Variants in CCND2 observed in about 807,000 individuals in gnomAD.
CCND2 encodes the protein G1/S-specific cyclin-D2.
Under a neutral mutation model 30.2 loss-of-function variants are expected in CCND2, and 6 were observed. That is an observed-to-expected ratio of 0.20 (90% CI 0.11 to 0.39). The LOEUF (loss-of-function observed/expected upper bound fraction) is 0.39, where lower values mean the gene tolerates loss of function less well. CCND2 is among the 10% of genes least tolerant of loss of function. The pLI, the probability that CCND2 is intolerant of heterozygous loss-of-function variation, is 1.00. For synonymous variants in CCND2, 150 were observed against 153.1 expected, an observed-to-expected ratio of 0.98 and a Z score of 0.15; for missense variants, 235 against 373.4, an observed-to-expected ratio of 0.63 and a Z score of 3.06.
At position 4,303,979 on chromosome 12, in the gene CCND2, G is replaced by A; in HGVS notation, c.*3970G>A. The A allele has an allele frequency of 4.3e-6, 1 of 233,346 alleles. No homozygotes were observed. The highest frequency in any genetic ancestry group is 8.5e-6 in the Non-Finnish European group (1 of 118,102). 14.5% of individuals were successfully genotyped at this position (233,346 alleles called of 1,614,324 possible). A position where few individuals can be genotyped will look rare whatever the true frequency, so the allele number is the denominator to read the frequency against. On this transcript the variant is annotated 3_prime_UTR_variant, in exon 5 of 5. Coordinates refer to ENST00000261254, the MANE Select transcript of CCND2 (RefSeq NM_001759.4). The surrounding 1 kb of genome is among the most constrained non-coding windows in gnomAD (Gnocchi z 4.6). ...CTGCATCCCATTGCTAGCAGGATTG[G>A]CAACTCTTCAGACGGAGCTGCGCTT...
chr12:4,299,848 C>A lies in CCND2; in HGVS notation c.721-12C>A. 2 of 1,612,776 alleles carry A rather than the reference C, an allele frequency of 1.2e-6. No homozygotes were observed. Among genetic ancestry groups the A allele is most frequent in the Non-Finnish European group, 1.7e-6 (2 of 1,179,110 alleles). On this transcript the variant is annotated splice_polypyrimidine_tract_variant and intron_variant, in intron 4 of 4. Coordinates refer to ENST00000261254, the MANE Select transcript of CCND2 (RefSeq NM_001759.4). The surrounding 1 kb of genome is among the most constrained non-coding windows in gnomAD (Gnocchi z 5.2). ...CTCTTACTAACAACTCTGGTCTGGA[C>A]CATTGTTCTAGGATTGTCTCAAAGC...
In CCND2 at chr12:4,300,102, C is replaced by G; in HGVS notation, c.*93C>G. 7.6e-7 allele frequency: 1 copy of G among 1,310,388 alleles called. No individual in the cohort carries two copies. The allele number at this position is 1,310,388 out of a possible 1,614,324, so 81.2% of individuals were successfully genotyped here. A position where few individuals can be genotyped will look rare whatever the true frequency, so the allele number is the denominator to read the frequency against. On this transcript the variant is annotated 3_prime_UTR_variant, in exon 5 of 5. Transcript: ENST00000261254. ...TTGTTCTTTGTGTTTTAGGGTGAAACTTAAAAAAAAAATTCTGCCCCCACC... is the reference window on the plus strand; with the variant it reads ...TTGTTCTTTGTGTTTTAGGGTGAAAGTTAAAAAAAAAATTCTGCCCCCACC...
Position 4,288,944 on chromosome 12 carries a change from G to T in CCND2, c.674G>T (p.Cys225Phe). 6.2e-7 allele frequency: 1 copy of T among 1,613,960 alleles called. No homozygotes were observed. Among genetic ancestry groups the T allele is most frequent in the Non-Finnish European group, 8.5e-7 (1 of 1,179,928 alleles). ...QQDEEVSSLT[C>F]DALTELLAKI... ...GATGAGGAAGTGAGCTCGCTCACTT[G>T]TGATGCCCTGACTGAGCTGCTGGCT... Residue 225 changes from cysteine (C) to phenylalanine (F), a missense_variant, in exon 4 of 5, where the codon TGT becomes TTT. Transcript: ENST00000261254.
chr12:4,293,102 T>C lies in CCND2; in HGVS notation c.720+4112T>C, dbSNP rs914845343. On this transcript the variant is annotated intron_variant, in intron 4 of 4. Coordinates refer to ENST00000261254, the MANE Select transcript of CCND2 (RefSeq NM_001759.4). This position sits in a 1 kb window ranked among gnomAD's most constrained non-coding sequence, Gnocchi z 4.9. ...CCAGTGGGTTTCCGATTCACTGGTC[T>C]GTCCATGTCCTTTGAAAAGCTGTGT... 1.3e-5 allele frequency among the ~76,000 whole-genome samples: 2 copies of C among 152,250 alleles called. No homozygotes were observed. The highest frequency in any genetic ancestry group is 6.5e-5 in the Admixed American group (1 of 15,286).
intron 4 of CCND2, among the ~76,000 whole-genome samples, chr12:4,297,020 C>T (rs1055392066): frequency 1.3e-5 from 2 of 152,094 alleles, no homozygotes; most frequent in African/African-American, 4.8e-5. Context: ...TTTAAGTGAA[C>T]TCCTTCACAC....
In CCND2 at chr12:4,299,132, C is replaced by T. The variant is rs1483244480; in HGVS notation, c.721-728C>T. ...ATCCCAGCACTTTGGGAGGCCGATG[C>T]GGGCGGATCACAAGGTCAGGAGTTC... On this transcript the variant is annotated intron_variant, in intron 4 of 4. Coordinates refer to ENST00000261254, the MANE Select transcript of CCND2 (RefSeq NM_001759.4). The surrounding 1 kb of genome is among the most constrained non-coding windows in gnomAD (Gnocchi z 5.2). Among the ~76,000 whole-genome samples, 4 of 152,002 alleles carry T rather than the reference C, an allele frequency of 2.6e-5. No individual in the cohort carries two copies. Among genetic ancestry groups the T allele is most frequent in the South Asian group, 2.1e-4 (1 of 4,822 alleles).
chr12:4,281,770 T>C (rs1038279049), intron 3 of CCND2, among the ~76,000 whole-genome samples: 2 of 152,036 alleles, frequency 1.3e-5, no homozygotes, highest in African/African-American at 2.4e-5. Context: ...CAGGAGAACA[T>C]AGAGGGGCCG....
At position 4,304,706 on chromosome 12, in the gene CCND2, C is replaced by T. The variant is rs1262169831; in HGVS notation, c.*4697C>T. On this transcript the variant is annotated 3_prime_UTR_variant, in exon 5 of 5. Transcript: ENST00000261254. This position sits in a 1 kb window ranked among gnomAD's most constrained non-coding sequence, Gnocchi z 6.2. Reference sequence around the variant, plus strand: ...CATGCTGTAGCTGCAGCCTGCATCCCTTCGCCTGCAGCCTACTTTGGGGAA... The same window carrying T: ...CATGCTGTAGCTGCAGCCTGCATCCTTTCGCCTGCAGCCTACTTTGGGGAA... 5 of 233,592 alleles carry T rather than the reference C, an allele frequency of 2.1e-5. No homozygotes were observed. The highest frequency in any genetic ancestry group is 1.1e-4 in the African/African-American group (5 of 45,342). The allele number at this position is 233,592 out of a possible 1,614,324, so 14.5% of individuals were successfully genotyped here.
intron 4 of CCND2, among the ~76,000 whole-genome samples, chr12:4,297,446 C>T (rs1864186390): frequency 6.6e-6 from 1 of 151,740 alleles, no homozygotes. Context: ...TGGCACGTGC[C>T]TATAATCCCA....
In CCND2 at chr12:4,287,722, G is replaced by C. The variant is rs1014713065; in HGVS notation, c.572-1120G>C. On this transcript the variant is annotated intron_variant, in intron 3 of 4. Transcript: ENST00000261254. The surrounding 1 kb of genome is among the most constrained non-coding windows in gnomAD (Gnocchi z 4.0). Reference sequence around the variant, plus strand: ...CTGTGGCTGATGGGTAAATTAAACAGGACGTAATGTGTAGCGTACTGCATG... The same window carrying C: ...CTGTGGCTGATGGGTAAATTAAACACGACGTAATGTGTAGCGTACTGCATG... Among the ~76,000 whole-genome samples the C allele has an allele frequency of 2.0e-5, 3 of 152,212 alleles. No individual in the cohort carries two copies. The East Asian group carries it at 5.8e-4, about 29-fold the overall frequency.
rs774554963 is a variant in CCND2 at position 4,276,262 on chromosome 12, G to A, written c.411+42G>A. ...TCCTCCCTTCCTTTCTGCGATTCCC[G>A]CTTTCCCCTGGCCAACAATATGCCT... On this transcript the variant is annotated intron_variant, in intron 2 of 4. Coordinates refer to ENST00000261254, the MANE Select transcript of CCND2 (RefSeq NM_001759.4). The surrounding 1 kb of genome is among the most constrained non-coding windows in gnomAD (Gnocchi z 4.8). The A allele has an allele frequency of 1.3e-6, 2 of 1,548,212 alleles. No individual in the cohort carries two copies. The highest frequency in any genetic ancestry group is 2.3e-5 in the East Asian group (1 of 43,826).
chr12:4,282,574 G>A lies in CCND2; in HGVS notation c.571+3655G>A, dbSNP rs901408967. Among the ~76,000 whole-genome samples the A allele has an allele frequency of 6.6e-6, 1 of 152,200 alleles. No homozygotes were observed. Among genetic ancestry groups the A allele is most frequent in the Non-Finnish European group, 1.5e-5 (1 of 68,030 alleles). ...TGGAAACCCGTCTTTCCATCTGCAA[G>A]TCTCTGAGCTACCCCTGAAGCCGCG... On this transcript the variant is annotated intron_variant, in intron 3 of 4. Transcript: ENST00000261254. This position sits in a 1 kb window ranked among gnomAD's most constrained non-coding sequence, Gnocchi z 4.3.
At position 4,276,261 on chromosome 12, in the gene CCND2, C is replaced by A; in HGVS notation, c.411+41C>A. On this transcript the variant is annotated intron_variant, in intron 2 of 4. Transcript: ENST00000261254. The surrounding 1 kb of genome is among the most constrained non-coding windows in gnomAD (Gnocchi z 4.8). Reference sequence around the variant, plus strand: ...TTCCTCCCTTCCTTTCTGCGATTCCCGCTTTCCCCTGGCCAACAATATGCC... The same window carrying A: ...TTCCTCCCTTCCTTTCTGCGATTCCAGCTTTCCCCTGGCCAACAATATGCC... The A allele has an allele frequency of 6.4e-7, 1 of 1,557,448 alleles. No homozygotes were observed. The highest frequency in any genetic ancestry group is 8.8e-7 in the Non-Finnish European group (1 of 1,135,864).
At chr12:4,280,818 G>A (rs1009008398) in intron 3 of CCND2, among the ~76,000 whole-genome samples, 1 of 152,210 alleles carries the variant, frequency 6.6e-6, no homozygotes, top group Admixed American at 6.5e-5. Flanking sequence ...CAGATCTTTT[G>A]GGGTCTAACT....
At chr12:4,277,817 C>G (rs1863894602) in intron 2 of CCND2, among the ~76,000 whole-genome samples, 1 of 152,260 alleles carries the variant, frequency 6.6e-6, no homozygotes, top group South Asian at 2.1e-4. Flanking sequence ...GGCCCTGCCT[C>G]TCATTCTTCT....
rs768729146 is a variant in CCND2, at chr12:4,278,951, G to C, written c.571+32G>C. The C allele has an allele frequency of 3.8e-6, 6 of 1,589,206 alleles. No individual in the cohort carries two copies. In the African/African-American group the frequency reaches 6.7e-5, roughly 18 times the overall value. On this transcript the variant is annotated intron_variant, in intron 3 of 4. Coordinates refer to ENST00000261254, the MANE Select transcript of CCND2 (RefSeq NM_001759.4). ...TGAGGCTTGAGCCGGGGAGGGAGAT[G>C]GGGGAGCTCTTTTGGGAGATGTCCG... is the stretch of plus-strand genomic sequence containing the variant.
At chr12:4,295,224 A>G (rs1378699744) in intron 4 of CCND2, among the ~76,000 whole-genome samples, 1 of 152,236 alleles carries the variant, frequency 6.6e-6, no homozygotes, top group Non-Finnish European at 1.5e-5. Context: ...TCATTTATAC[A>G]AGACAGGCTT....
At chr12:4,279,909 C>T (rs1251617298) in intron 3 of CCND2, among the ~76,000 whole-genome samples, 2 of 151,372 alleles carry the variant, frequency 1.3e-5, no homozygotes, top group African/African-American at 2.4e-5. Flanking sequence ...GGTGGACTCA[C>T]GTGGTAACTT....
intron 4 of CCND2, among the ~76,000 whole-genome samples, chr12:4,296,216 G>A (rs1310499610): frequency 6.6e-6 from 1 of 152,220 alleles, no homozygotes. Context: ...TTAATTCACC[G>A]ATGGCCATGG....
Sources: gnomAD v4.1 joint callset for allele counts (sites outside exome capture counted in the v4.1 genomes callset) on GRCh38, gnomAD v4.1.1 for gene constraint, Gnocchi (gnomAD v3.1) non-coding constraint, MANE v1.5 for transcripts, NCBI Gene and HGNC (gene_info 2026-07-23, HGNC 2026-07-21) for gene names.